Variants in EFHC2 observed in about 807,000 individuals in gnomAD.
The protein encoded by EFHC2 is EF-hand domain containing 2.
A neutral mutation model predicts 52.7 loss-of-function variants in EFHC2; 18 were observed. The ratio of observed to expected loss-of-function variants is 0.34; its 90% CI spans 0.24 to 0.51. The LOEUF (loss-of-function observed/expected upper bound fraction) is 0.51. Ranked by LOEUF, EFHC2 falls within the 20% of genes least tolerant of loss-of-function variation. EFHC2 has a pLI of 0.97. For synonymous variants in EFHC2, 203 were observed against 204.1 expected, an observed-to-expected ratio of 0.99 and a Z score of 0.04; for missense variants, 513 against 562.5, an observed-to-expected ratio of 0.91 and a Z score of 0.89.
At chrX:44,177,096 T>A (rs1346731031) in intron 12 of EFHC2, among the ~76,000 whole-genome samples, 4 of 111,514 alleles carry the variant, frequency 3.6e-5, no homozygotes, top group Non-Finnish European at 5.6e-5. Flanking sequence ...GGCTATCTGG[T>A]CAAGCAGCCC....
At chrX:44,303,969 G>A (rs1365534316) in intron 2 of EFHC2, among the ~76,000 whole-genome samples, 3 of 112,509 alleles carry the variant, frequency 2.7e-5, no homozygotes, top group Non-Finnish European at 3.8e-5. Context: ...CTAACTAGGA[G>A]CTGTTGACAA....
In EFHC2 at chrX:44,248,879, G is replaced by A; in HGVS notation, c.896C>T (p.Thr299Ile). 8.3e-7 allele frequency: 1 copy of A among 1,207,685 alleles called. No individual in the cohort carries two copies. The highest frequency in any genetic ancestry group is 1.1e-6 in the Non-Finnish European group (1 of 893,720). Residue 299 changes from threonine to isoleucine, a missense_variant, in exon 6 of 15, where the codon ACA (threonine) becomes ATA (isoleucine). Physicochemically the swap from Thr to Ile is moderately conservative, Grantham distance 89. Coordinates refer to ENST00000420999, the MANE Select transcript of EFHC2 (RefSeq NM_025184.4). ...ATATGAATTGAGAACTGCTCGATCTGTTATCTGGCCTGGTTGATAGACTCT... is the reference window on the plus strand; with the variant it reads ...ATATGAATTGAGAACTGCTCGATCTATTATCTGGCCTGGTTGATAGACTCT... Reference protein sequence around the residue: ...PPRVYQPGQITDRAVLNSYGD... With the variant: ...PPRVYQPGQIIDRAVLNSYGD...
chrX:44,265,228 T>C (rs1204720565), intron 3 of EFHC2, among the ~76,000 whole-genome samples: 5 of 112,032 alleles, frequency 4.5e-5, no homozygotes, highest in Non-Finnish European at 9.4e-5. Flanking sequence ...GGAATTCACC[T>C]TCCAGAATTA....
intron 2 of EFHC2, among the ~76,000 whole-genome samples, chrX:44,278,399 A>G (rs2037676938): frequency 8.9e-6 from 1 of 111,949 alleles, no homozygotes. Flanking sequence ...CAAAAAACCC[A>G]GACCCTTGCC....
chrX:44,163,874 G>A, intron 14 of EFHC2, 48 bp downstream of exon 14: 1 of 835,674 alleles, frequency 1.2e-6, no homozygotes, highest in Non-Finnish European at 1.7e-6. Context: ...TATTAAACAT[G>A]CAAGGGAAGT....
chrX:44,232,827 A>C, intron 9 of EFHC2, 150 bp from the exon 10 acceptor site: 1 of 496,267 alleles, frequency 2.0e-6, no homozygotes, highest in Non-Finnish European at 3.2e-6. Context: ...TAAGGGAAGA[A>C]TGAGGCAGTG....
chrX:44,272,737 C>A lies in EFHC2; in HGVS notation c.331G>T (p.Asp111Tyr). ...TCTGGTTCATTTACTTGAATTGTGT[C>A]ATCTTCAGGGTAGAAGTAGATTTTA... ...YYKIYFYPEDDTIQVNEPEVK... is the reference protein window; with the variant it reads ...YYKIYFYPEDYTIQVNEPEVK... Residue 111 changes from aspartate to tyrosine, a missense_variant, in exon 3 of 15, where the codon GAC (aspartate) becomes TAC (tyrosine). By Grantham distance (160) the Asp-to-Tyr change is radical (BLOSUM62 -3). Transcript: ENST00000420999. 8.6e-7 allele frequency: 1 copy of A among 1,169,385 alleles called. No homozygotes were observed. Among genetic ancestry groups the A allele is most frequent in the African/African-American group, 1.8e-5 (1 of 56,647 alleles).
intron 13 of EFHC2, among the ~76,000 whole-genome samples, chrX:44,169,438 G>A (rs2036725677): frequency 9.1e-6 from 1 of 110,084 alleles, no homozygotes; most frequent in Non-Finnish European, 1.9e-5. Flanking sequence ...ACCATGCCTG[G>A]CTAATTTTTT....
At chrX:44,248,599 T>C (rs779461133) in intron 6 of EFHC2, among the ~76,000 whole-genome samples, 189 bp from the exon 7 acceptor site, 1 of 112,778 alleles carries the variant, frequency 8.9e-6, no homozygotes, top group African/African-American at 3.2e-5. Flanking sequence ...TGTAGTATTA[T>C]ACTTACAAAC....
chrX:44,262,512 C>CAAA (rs749239313), intron 3 of EFHC2, among the ~76,000 whole-genome samples: 39 of 29,147 alleles, frequency 1.3e-3, no homozygotes, highest in African/African-American at 3.1e-3. Flanking sequence ...AGCCCTGTCT[C>CAAA]AAAAAAAAAA....
At chrX:44,206,905 T>C (rs752747227) in intron 11 of EFHC2, among the ~76,000 whole-genome samples, 36 of 111,252 alleles carry the variant, frequency 3.2e-4, no homozygotes, top group Non-Finnish European at 5.1e-4. Flanking sequence ...AAAGCCAAAG[T>C]AAACCTAAGC....
chrX:44,174,134 T>A (rs2036766314), intron 13 of EFHC2, among the ~76,000 whole-genome samples: 1 of 112,142 alleles, frequency 8.9e-6, no homozygotes, highest in African/African-American at 3.2e-5. Flanking sequence ...CAATCAATTC[T>A]TTGCACCAGG....
At chrX:44,311,461 C>G (rs1307100814) in intron 2 of EFHC2, among the ~76,000 whole-genome samples, 1 of 111,996 alleles carries the variant, frequency 8.9e-6, no homozygotes, top group East Asian at 2.8e-4. Context: ...TTATCTAGTC[C>G]TGAACTATCT....
intron 11 of EFHC2, among the ~76,000 whole-genome samples, chrX:44,204,538 C>A (rs757993772): frequency 2.0e-3 from 218 of 110,734 alleles, no homozygotes; most frequent in Non-Finnish European, 2.8e-3. Context: ...AAGAAAGAAC[C>A]AAACAGAACT....
In EFHC2 at chrX:44,305,577, G is replaced by A. The variant is rs2037899604; in HGVS notation, c.231+6991C>T. 2.7e-5 allele frequency among the ~76,000 whole-genome samples: 3 copies of A among 112,460 alleles called. No homozygotes were observed. In the South Asian group the frequency reaches 1.1e-3, roughly 41 times the overall value. The stretch of plus-strand genomic sequence containing the variant: ...TGAGTTTTGGGGCACCCCAAATGTT[G>A]CACCGAAGGCAAGTGCCTCATTTGC... On this transcript the variant is annotated intron_variant, in intron 2 of 14. Coordinates refer to ENST00000420999, the MANE Select transcript of EFHC2 (RefSeq NM_025184.4).
Position 44,309,754 on chromosome X carries a change from G to T in EFHC2, c.231+2814C>A, listed in dbSNP as rs2037932182. ...TCCTCGTTTCTTGAGCCAGAATATCGATGCAAAAGAACCAGAAAAGAAGAT... is the reference window on the plus strand; with the variant it reads ...TCCTCGTTTCTTGAGCCAGAATATCTATGCAAAAGAACCAGAAAAGAAGAT... On this transcript the variant is annotated intron_variant, in intron 2 of 14. Transcript: ENST00000420999. 8 of 968,605 alleles carry T rather than the reference G, an allele frequency of 8.3e-6. No individual in the cohort carries two copies. The South Asian group carries it at 1.5e-4, about 19-fold the overall frequency. 79.8% of individuals were successfully genotyped at this position (968,605 alleles called of 1,213,427 possible).
At chrX:44,203,178 T>C (rs1483939135) in intron 11 of EFHC2, among the ~76,000 whole-genome samples, 1 of 111,747 alleles carries the variant, frequency 8.9e-6, no homozygotes, top group Non-Finnish European at 1.9e-5. Context: ...CATGCTTTTC[T>C]AGCAGCTCTA....
intron 4 of EFHC2, among the ~76,000 whole-genome samples, chrX:44,254,853 G>T (rs1602179809): frequency 8.9e-6 from 1 of 111,772 alleles, no homozygotes; most frequent in African/African-American, 3.3e-5. Flanking sequence ...GAAGGAAAAA[G>T]TGTCAAGGGC....
At chrX:44,314,573 G>T (rs770506730) in intron 1 of EFHC2, among the ~76,000 whole-genome samples, 22 of 110,038 alleles carry the variant, frequency 2.0e-4, no homozygotes, top group African/African-American at 6.6e-4. Context: ...ATCAATTGTC[G>T]CTACCTCCAC....
Sources: gnomAD v4.1 joint callset for allele counts (sites outside exome capture counted in the v4.1 genomes callset) on GRCh38, gnomAD v4.1.1 for gene constraint, MANE v1.5 for transcripts, NCBI Gene and HGNC (gene_info 2026-07-23, HGNC 2026-07-21) for gene names.